The following DIAPH3 variants were observed in gnomAD, a reference collection of about 807,000 sequenced individuals.
The protein encoded by DIAPH3 is protein diaphanous homolog 3.
Under a neutral mutation model 144.3 loss-of-function variants are expected in DIAPH3, and 117 were observed. The observed-to-expected ratio is 0.81, with a 90% confidence interval of 0.70 to 0.95. The LOEUF is 0.95. Ranked by LOEUF, DIAPH3 falls within the 40% of genes least tolerant of loss-of-function variation. The probability of loss-of-function intolerance (pLI) is 0.00; values close to 1 mark genes in which losing one functional copy is unlikely to be tolerated. For synonymous variants in DIAPH3, 519 were observed against 488.9 expected (o/e 1.06, Z -0.81); for missense variants, 1,421 against 1,412.7 (o/e 1.01, Z -0.09).
In DIAPH3 at chr13:59,974,297, C is replaced by G. The variant is rs1025700649; in HGVS notation, c.1650+55G>C. 5.4e-6 allele frequency: 7 copies of G among 1,290,254 alleles called. No homozygotes were observed. The African/African-American group carries it at 8.8e-5, about 16-fold the overall frequency. 79.9% of individuals were successfully genotyped at this position (1,290,254 alleles called of 1,614,324 possible). ...TGATGCTATGAAGATATAACATAACCTTTGCTCCCTCACTGTGTTTTTAAT... is the reference window on the plus strand; with the variant it reads ...TGATGCTATGAAGATATAACATAACGTTTGCTCCCTCACTGTGTTTTTAAT... On this transcript the variant is annotated intron_variant, in intron 15 of 27. Coordinates refer to ENST00000400324, the MANE Select transcript of DIAPH3 (RefSeq NM_001042517.2).
intron 21 of DIAPH3, among the ~76,000 whole-genome samples, chr13:59,869,348 G>T (rs75486575): frequency 9.9e-5 from 15 of 152,102 alleles, no homozygotes; most frequent in African/African-American, 3.4e-4. Context: ...TCCTCTTAGG[G>T]TCCTTGCTGG....
At chr13:59,983,668 C>T in intron 13 of DIAPH3, 101 bp downstream of exon 13, 3 of 755,100 alleles carry the variant, frequency 4.0e-6, no homozygotes, top group South Asian at 3.2e-5. Context: ...ACAATTAGGG[C>T]CCTCAGGAGT....
At position 59,774,195 on chromosome 13, in the gene DIAPH3, T is replaced by C; in HGVS notation, c.3313A>G (p.Asn1105Asp). The C allele has an allele frequency of 6.2e-7, 1 of 1,613,152 alleles. No homozygotes were observed. Residue 1105 changes from asparagine (N) to aspartate (D), a missense_variant, in exon 27 of 28, where the codon AAC becomes GAC. Physicochemically the swap from Asn to Asp is conservative, Grantham distance 23 (BLOSUM62 1). Transcript: ENST00000400324. ...MSQRPVLKVC[N>D]HENQKVQLTE... is the part of the protein sequence containing the mutation. Reference sequence around the variant, plus strand: ...TATAAATACGGTTTATTACCATGGTTACAAACTTTCAGAACAGGCCTCTGA... The same window carrying C: ...TATAAATACGGTTTATTACCATGGTCACAAACTTTCAGAACAGGCCTCTGA...
intron 27 of DIAPH3, among the ~76,000 whole-genome samples, chr13:59,707,964 A>G (rs553969311): frequency 6.6e-6 from 1 of 151,688 alleles, no homozygotes; most frequent in South Asian, 2.1e-4. Context: ...CAGCAAACAA[A>G]CATACTATTT....
chr13:59,876,436 G>A (rs920801273), intron 21 of DIAPH3, among the ~76,000 whole-genome samples: 3 of 152,146 alleles, frequency 2.0e-5, no homozygotes, highest in East Asian at 1.9e-4. Flanking sequence ...CTGGTTTGCC[G>A]ACTAACTGTA....
rs139278076 is a variant in DIAPH3, at chr13:59,851,429, C to T, written c.2737+9978G>A. Among the ~76,000 whole-genome samples, 439 of 152,244 alleles carry T rather than the reference C, an allele frequency of 2.9e-3. 2 individuals carry two copies. Among genetic ancestry groups the T allele is most frequent in the African/African-American group, 8.4e-3 (349 of 41,538 alleles). On this transcript the variant is annotated intron_variant, in intron 22 of 27. Transcript: ENST00000400324. The stretch of plus-strand genomic sequence containing the variant: ...CTCTACAGGACCTTTTCTGACCACT[C>T]AATCTAAAACTGCAAAAAACCCTGC...
chr13:59,710,093 T>G (rs988283985), intron 27 of DIAPH3, among the ~76,000 whole-genome samples: 7 of 150,140 alleles, frequency 4.7e-5, no homozygotes, highest in Non-Finnish European at 8.9e-5. Context: ...TGGGGACTGT[T>G]GTGGGGTGGG....
At chr13:60,111,735 G>A (rs2058573903) in intron 3 of DIAPH3, among the ~76,000 whole-genome samples, 2 of 152,144 alleles carry the variant, frequency 1.3e-5, no homozygotes, top group South Asian at 2.1e-4. Context: ...GGGGACCGCT[G>A]ACTTAAATAT....
In DIAPH3 at chr13:59,773,963, A is replaced by C. The variant is rs932831488; in HGVS notation, c.3319+226T>G. ...ACTTCAGATAATTATAATAATAAAA[A>C]ATTCACTAGAGACCTGATAGAAGAA... On this transcript the variant is annotated intron_variant, in intron 27 of 27. Coordinates refer to ENST00000400324, the MANE Select transcript of DIAPH3 (RefSeq NM_001042517.2). The C allele has an allele frequency of 7.1e-5, 34 of 480,312 alleles. 1 individual carries two copies. Among genetic ancestry groups the C allele is most frequent in the Non-Finnish European group, 1.2e-4 (33 of 269,540 alleles). 29.8% of individuals were successfully genotyped at this position (480,312 alleles called of 1,614,324 possible).
At chr13:59,992,033 A>G in intron 11 of DIAPH3, 35 bp downstream of exon 11, 1 of 1,536,278 alleles carries the variant, frequency 6.5e-7, no homozygotes, top group Non-Finnish European at 9.0e-7. Context: ...ATAATTTTAT[A>G]TATGATTTGA....
intron 25 of DIAPH3, among the ~76,000 whole-genome samples, chr13:59,778,987 C>T (rs1946534376): frequency 6.6e-6 from 1 of 151,926 alleles, no homozygotes; most frequent in Admixed American, 6.6e-5. Flanking sequence ...ACTCTTATTC[C>T]TACCCCAACA....
intron 5 of DIAPH3, among the ~76,000 whole-genome samples, chr13:60,025,938 A>G (rs2054342536): frequency 6.6e-6 from 1 of 152,220 alleles, no homozygotes; most frequent in Non-Finnish European, 1.5e-5. Flanking sequence ...AACCAAACTT[A>G]AAGAAAAAAC....
intron 17 of DIAPH3, among the ~76,000 whole-genome samples, chr13:59,958,691 T>A (rs981483199): frequency 2.0e-5 from 3 of 151,828 alleles, no homozygotes; most frequent in African/African-American, 7.2e-5. Flanking sequence ...TACACTATGA[T>A]ACTTGATGCA....
At chr13:60,054,785 T>G (rs1344562502) in intron 4 of DIAPH3, among the ~76,000 whole-genome samples, 1 of 151,956 alleles carries the variant, frequency 6.6e-6, no homozygotes, top group Non-Finnish European at 1.5e-5. Flanking sequence ...TTCCTTGCAT[T>G]TTTCAAATGA....
chr13:60,146,484 A>G (rs1169815478), intron 1 of DIAPH3, among the ~76,000 whole-genome samples: 1 of 152,238 alleles, frequency 6.6e-6, no homozygotes, highest in Non-Finnish European at 1.5e-5. Flanking sequence ...TTGTCATCCA[A>G]AGCAATGTGG....
At chr13:60,094,812 T>C (rs1031337156) in intron 3 of DIAPH3, among the ~76,000 whole-genome samples, 1 of 152,184 alleles carries the variant, frequency 6.6e-6, no homozygotes, top group Admixed American at 6.5e-5. Flanking sequence ...TTTACCTTGA[T>C]AGAAATATTT....
intron 3 of DIAPH3, among the ~76,000 whole-genome samples, chr13:60,110,389 C>A (rs2138055537): frequency 6.6e-6 from 1 of 152,174 alleles, no homozygotes; most frequent in East Asian, 1.9e-4. Context: ...TACGTACAAG[C>A]CAAAAATCAA....
intron 2 of DIAPH3, among the ~76,000 whole-genome samples, chr13:60,127,907 T>A (rs976928124): frequency 1.3e-5 from 2 of 151,918 alleles, no homozygotes; most frequent in Admixed American, 6.6e-5. Context: ...TACCTCAACT[T>A]TTTTTTTAAC....
intron 2 of DIAPH3, among the ~76,000 whole-genome samples, chr13:60,129,394 C>T (rs1053635452): frequency 6.6e-6 from 1 of 152,184 alleles, no homozygotes; most frequent in Non-Finnish European, 1.5e-5. Context: ...ACAAACACTG[C>T]TTATAGTCTA....
Sources: gnomAD v4.1 joint callset for allele counts (sites outside exome capture counted in the v4.1 genomes callset) on GRCh38, gnomAD v4.1.1 for gene constraint, MANE v1.5 for transcripts, NCBI Gene and HGNC (gene_info 2026-07-23, HGNC 2026-07-21) for gene names.